Variants in GRID2 observed in about 807,000 individuals in gnomAD.
The protein encoded by GRID2 is glutamate ionotropic receptor delta type subunit 2, also known as glutamate receptor ionotropic, delta-2.
GRID2 carries 33 observed loss-of-function variants against 114.8 expected under a neutral mutation model. The ratio of observed to expected loss-of-function variants is 0.29; its 90% confidence interval spans 0.22 to 0.38. The LOEUF (loss-of-function observed/expected upper bound fraction) is 0.38. GRID2 is among the 10% of genes least tolerant of loss of function. GRID2 has a pLI of 1.00. For synonymous variants in GRID2, 505 were observed against 449.9 expected (o/e 1.12, Z -1.55); for missense variants, 1,184 against 1,257.7 (o/e 0.94, Z 0.89).
Position 93,805,137 on chromosome 4 carries a change from A to G in GRID2, c.222-1578A>G, listed in dbSNP as rs1027050393. Among the ~76,000 whole-genome samples, 4 of 152,230 alleles carry G rather than the reference A, an allele frequency of 2.6e-5. No individual in the cohort carries two copies. The East Asian group carries it at 7.7e-4, about 29-fold the overall frequency. ...ATTTTGCAAATGAGTATTTCTTCAC[A>G]CTGCATGCTAGTCTAAAATTCCCTA... On this transcript the variant is annotated intron_variant, in intron 1 of 1. Transcript: ENST00000637838.
chr4:92,411,655 G>GTGTGTATATATATATA, intron 1 of GRID2, among the ~76,000 whole-genome samples: 8 of 84,716 alleles, frequency 9.4e-5, no homozygotes, highest in South Asian at 4.1e-4. Context: ...GTGTGTGTGT[G>GTGTGTATATATATATA]TATATATATA....
intron 2 of GRID2, among the ~76,000 whole-genome samples, chr4:92,659,642 A>C (rs1579787365): frequency 6.6e-6 from 1 of 151,498 alleles, no homozygotes; most frequent in East Asian, 1.9e-4. Context: ...ATAATGAAAA[A>C]ATAGAAAATA....
intron 14 of GRID2, among the ~76,000 whole-genome samples, chr4:93,711,540 G>A (rs1000960544): frequency 6.6e-6 from 1 of 152,274 alleles, no homozygotes; most frequent in East Asian, 1.9e-4. Flanking sequence ...TTCAGCCCAC[G>A]GTGGTGGGGC....
intron 11 of GRID2, among the ~76,000 whole-genome samples, chr4:93,485,684 C>G (rs941746488): frequency 6.6e-6 from 1 of 151,666 alleles, no homozygotes; most frequent in South Asian, 2.1e-4. Flanking sequence ...AAATCAAGTG[C>G]CTATGTATGC....
intron 8 of GRID2, among the ~76,000 whole-genome samples, chr4:93,381,718 C>T (rs373175365): frequency 5.4e-4 from 82 of 152,166 alleles, no homozygotes; most frequent in East Asian, 3.3e-3. Context: ...AAAACTACAC[C>T]TTTACACATT....
chr4:93,129,066 T>G (rs1047494175), intron 4 of GRID2, among the ~76,000 whole-genome samples: 2 of 152,174 alleles, frequency 1.3e-5, no homozygotes, highest in African/African-American at 2.4e-5. Flanking sequence ...GACATTAAAT[T>G]TATATTTTTA....
At chr4:92,639,856 G>A (rs774589615) in intron 2 of GRID2, among the ~76,000 whole-genome samples, 13 of 151,638 alleles carry the variant, frequency 8.6e-5, no homozygotes, top group Non-Finnish European at 1.8e-4. Flanking sequence ...AAAGCACTTG[G>A]AACAGTATCT....
At chr4:93,117,734 T>G (rs1018026818) in intron 4 of GRID2, among the ~76,000 whole-genome samples, 1 of 152,170 alleles carries the variant, frequency 6.6e-6, no homozygotes, top group Non-Finnish European at 1.5e-5. Context: ...CTAGTGTCCC[T>G]AAGCACAAGA....
intron 2 of GRID2, among the ~76,000 whole-genome samples, chr4:93,078,703 A>AG (rs996362882): frequency 1.1e-4 from 16 of 146,846 alleles, no homozygotes; most frequent in Non-Finnish European, 2.2e-4. Flanking sequence ...AATTATATTT[A>AG]TATACTGTAT....
intron 1 of GRID2, among the ~76,000 whole-genome samples, chr4:93,797,438 G>T (rs1402025490): frequency 6.6e-6 from 1 of 152,164 alleles, no homozygotes; most frequent in African/African-American, 2.4e-5. Flanking sequence ...TGTCTGAATA[G>T]CTATTAATGG....
intron 1 of GRID2, among the ~76,000 whole-genome samples, chr4:92,330,511 G>T (rs1726828149): frequency 6.6e-6 from 1 of 152,110 alleles, no homozygotes. Context: ...TTTATAAATA[G>T]AGTTGGTAAG....
At chr4:93,152,190 A>T (rs1736798906) in intron 4 of GRID2, among the ~76,000 whole-genome samples, 1 of 152,178 alleles carries the variant, frequency 6.6e-6, no homozygotes, top group South Asian at 2.1e-4. Flanking sequence ...TCACAATGTA[A>T]TTTTAAATCT....
At chr4:92,351,334 A>T (rs1728059706) in intron 1 of GRID2, among the ~76,000 whole-genome samples, 2 of 151,806 alleles carry the variant, frequency 1.3e-5, no homozygotes, top group East Asian at 1.9e-4. Flanking sequence ...TCTCAAAAAA[A>T]CTTGATATTA....
rs556058711 is a variant in GRID2 at position 92,446,289 on chromosome 4, T to C, written c.88+141545T>C. 2.2e-4 allele frequency among the ~76,000 whole-genome samples: 34 copies of C among 152,256 alleles called. 1 individual carries two copies. In the South Asian group the frequency reaches 6.0e-3, roughly 27 times the overall value. ...TAAATTGTATGTTCTTACCTCTTCTTGGTACCCAAATTGAGACCCTAACAA... is the reference window on the plus strand; with the variant it reads ...TAAATTGTATGTTCTTACCTCTTCTCGGTACCCAAATTGAGACCCTAACAA... On this transcript the variant is annotated intron_variant, in intron 1 of 15. Coordinates refer to ENST00000282020, the MANE Select transcript of GRID2 (RefSeq NM_001510.4).
chr4:92,385,768 A>G (rs1729917808), intron 1 of GRID2, among the ~76,000 whole-genome samples: 1 of 151,424 alleles, frequency 6.6e-6, no homozygotes, highest in Non-Finnish European at 1.5e-5. Context: ...ATACCTTTGT[A>G]GTTCTACTTT....
chr4:92,813,589 T>C lies in GRID2; in HGVS notation c.244+223303T>C, dbSNP rs1056087902. ...CAAATTATTTCAGCTGTTTTGCTTT[T>C]GAATACATATTTATATCCATTCAGA... On this transcript the variant is annotated intron_variant, in intron 2 of 15. Coordinates refer to ENST00000282020, the MANE Select transcript of GRID2 (RefSeq NM_001510.4). 1.8e-4 allele frequency among the ~76,000 whole-genome samples: 27 copies of C among 152,130 alleles called. 1 individual carries two copies. The highest frequency in any genetic ancestry group is 1.5e-5 in the Non-Finnish European group (1 of 68,008).
intron 2 of GRID2, among the ~76,000 whole-genome samples, chr4:93,038,313 T>G (rs1725121035): frequency 1.3e-5 from 2 of 151,816 alleles, no homozygotes; most frequent in South Asian, 4.1e-4. Flanking sequence ...GATTTTGTAT[T>G]CTAAAAAAAA....
At chr4:93,268,917 C>T (rs1328003301) in intron 8 of GRID2, among the ~76,000 whole-genome samples, 2 of 152,016 alleles carry the variant, frequency 1.3e-5, no homozygotes, top group African/African-American at 2.4e-5. Context: ...ACTGAGTGAA[C>T]GAGTCTCCCT....
chr4:92,590,049 C>A, intron 1 of GRID2, 82 bp from the exon 2 acceptor site: 1 of 918,888 alleles, frequency 1.1e-6, no homozygotes, highest in Admixed American at 2.0e-5. Flanking sequence ...TTTTTAAACA[C>A]ATAAGTCTCC....
Sources: gnomAD v4.1 joint callset for allele counts (sites outside exome capture counted in the v4.1 genomes callset) on GRCh38, gnomAD v4.1.1 for gene constraint, MANE v1.5 for transcripts, NCBI Gene and HGNC (gene_info 2026-07-23, HGNC 2026-07-21) for gene names.